Variants in UNC5D observed in about 807,000 individuals in gnomAD.
UNC5D encodes the protein unc-5 netrin receptor D.
UNC5D carries 39 observed loss-of-function variants against 105.4 expected under a neutral mutation model. The ratio of observed to expected loss-of-function variants is 0.37; its 90% CI spans 0.29 to 0.48. The LOEUF is 0.48. UNC5D is among the 20% of genes least tolerant of loss of function. UNC5D has a pLI of 0.98. For synonymous variants in UNC5D, 452 were observed against 450.4 expected (o/e 1.00, Z -0.04); for missense variants, 991 against 1,202.4 (o/e 0.82, Z 2.60).
intron 1 of UNC5D, among the ~76,000 whole-genome samples, chr8:35,302,980 T>A (rs2128871932): frequency 6.6e-6 from 1 of 152,178 alleles, no homozygotes; most frequent in Admixed American, 6.6e-5. Context: ...ATAAGTTAAG[T>A]TTTTTGCAGC....
At chr8:35,276,273 T>C (rs1243773299) in intron 1 of UNC5D, among the ~76,000 whole-genome samples, 4 of 152,172 alleles carry the variant, frequency 2.6e-5, no homozygotes, top group Non-Finnish European at 5.9e-5. Context: ...TTTATATATG[T>C]GGAAGTTGTT....
chr8:35,489,472 A>G (rs1427209974), intron 1 of UNC5D, among the ~76,000 whole-genome samples: 3 of 152,190 alleles, frequency 2.0e-5, no homozygotes, highest in African/African-American at 7.2e-5. Context: ...ATCTCTCCTT[A>G]ATCTAATCTT....
intron 1 of UNC5D, among the ~76,000 whole-genome samples, chr8:35,408,197 A>G (rs1201346875): frequency 1.3e-5 from 2 of 152,134 alleles, no homozygotes; most frequent in East Asian, 1.9e-4. Flanking sequence ...TAAACATGCT[A>G]TGTGTAATGA....
chr8:35,728,081 A>AAG, intron 10 of UNC5D, among the ~76,000 whole-genome samples: 1 of 131,124 alleles, frequency 7.6e-6, no homozygotes, highest in East Asian at 2.0e-4. Context: ...TAAAAAAAAA[A>AAG]AAAAAAAAAA....
At chr8:35,506,890 T>C (rs1436742984) in intron 1 of UNC5D, among the ~76,000 whole-genome samples, 1 of 152,136 alleles carries the variant, frequency 6.6e-6, no homozygotes. Flanking sequence ...GCAAGAGGGC[T>C]GTCAAACTCG....
chr8:35,437,662 G>A (rs902912232), intron 1 of UNC5D, among the ~76,000 whole-genome samples: 1 of 151,990 alleles, frequency 6.6e-6, no homozygotes, highest in African/African-American at 2.4e-5. Context: ...TTATGGTTTG[G>A]AGTGGTGCTA....
At chr8:35,358,536 T>C (rs1421706305) in intron 1 of UNC5D, among the ~76,000 whole-genome samples, 1 of 152,132 alleles carries the variant, frequency 6.6e-6, no homozygotes, top group African/African-American at 2.4e-5. Flanking sequence ...ATCTAATGTG[T>C]GCTGGGCTTC....
chr8:35,640,631 A>G (rs1451950131), intron 4 of UNC5D, among the ~76,000 whole-genome samples: 3 of 152,184 alleles, frequency 2.0e-5, no homozygotes, highest in East Asian at 1.9e-4. Flanking sequence ...AGGATGACGC[A>G]GTGGAAGATT....
chr8:35,569,668 T>C (rs1306604040), intron 3 of UNC5D, among the ~76,000 whole-genome samples: 1 of 152,220 alleles, frequency 6.6e-6, no homozygotes, highest in Admixed American at 6.5e-5. Flanking sequence ...CCAACAATTA[T>C]TTTATGACTT....
At chr8:35,513,847 A>G (rs1812939560) in intron 1 of UNC5D, among the ~76,000 whole-genome samples, 1 of 152,234 alleles carries the variant, frequency 6.6e-6, no homozygotes, top group Non-Finnish European at 1.5e-5. Flanking sequence ...AAAATCCATG[A>G]AAAGTTTGCT....
chr8:35,342,771 C>T (rs1469329849), intron 1 of UNC5D, among the ~76,000 whole-genome samples: 1 of 152,072 alleles, frequency 6.6e-6, no homozygotes, highest in Non-Finnish European at 1.5e-5. Context: ...GCTCGATCAC[C>T]TCCATTTAGA....
At chr8:35,394,939 G>A (rs560523932) in intron 1 of UNC5D, among the ~76,000 whole-genome samples, 3 of 152,168 alleles carry the variant, frequency 2.0e-5, no homozygotes, top group Non-Finnish European at 4.4e-5. Flanking sequence ...CAAGCAGAGT[G>A]CCCAGTGCTT....
chr8:35,696,639 A>G (rs1284818329), intron 7 of UNC5D, among the ~76,000 whole-genome samples: 1 of 152,178 alleles, frequency 6.6e-6, no homozygotes, highest in East Asian at 1.9e-4. Context: ...AAGCAAATTA[A>G]TAGAGATAAA....
chr8:35,536,962 C>T (rs1483684567), intron 1 of UNC5D, among the ~76,000 whole-genome samples: 1 of 152,076 alleles, frequency 6.6e-6, no homozygotes, highest in Non-Finnish European at 1.5e-5. Context: ...TGCCACTGCA[C>T]TCCAGTCTGG....
chr8:35,571,592 G>T (rs1310109289), intron 3 of UNC5D, among the ~76,000 whole-genome samples: 4 of 152,260 alleles, frequency 2.6e-5, no homozygotes, highest in Non-Finnish European at 5.9e-5. Flanking sequence ...CTTTTGATTT[G>T]CTTGCAGGGA....
chr8:35,386,392 A>G (rs1443832873), intron 1 of UNC5D, among the ~76,000 whole-genome samples: 1 of 152,226 alleles, frequency 6.6e-6, no homozygotes, highest in African/African-American at 2.4e-5. Flanking sequence ...GAGCCTGCAA[A>G]TCAATCGGTT....
rs369691164 is a variant in UNC5D at position 35,302,940 on chromosome 8, A to T, written c.103+67053A>T. On this transcript the variant is annotated intron_variant, in intron 1 of 16. Coordinates refer to ENST00000404895, the MANE Select transcript of UNC5D (RefSeq NM_080872.4). ...TTTGGAGAAGCATTATCTGATAGAA[A>T]CATGCAAGTCACAAATTTGAGTTAT... Among the ~76,000 whole-genome samples the T allele has an allele frequency of 3.5e-3, 527 of 152,296 alleles. 3 individuals carry two copies. The Middle Eastern group carries it at 0.037, about 11-fold the overall frequency.
intron 1 of UNC5D, among the ~76,000 whole-genome samples, chr8:35,346,075 C>A (rs1811788323): frequency 6.6e-6 from 1 of 151,876 alleles, no homozygotes. Context: ...TTTGCTTTAC[C>A]GTTGATGTGT....
chr8:35,338,823 C>T (rs1050118465), intron 1 of UNC5D, among the ~76,000 whole-genome samples: 2 of 152,080 alleles, frequency 1.3e-5, no homozygotes, highest in African/African-American at 4.8e-5. Flanking sequence ...GCACCCTGAC[C>T]GACTTCTGCC....
Sources: gnomAD v4.1 joint callset for allele counts (sites outside exome capture counted in the v4.1 genomes callset) on GRCh38, gnomAD v4.1.1 for gene constraint, MANE v1.5 for transcripts, NCBI Gene and HGNC (gene_info 2026-07-23, HGNC 2026-07-21) for gene names.